Variants in PCDHA8 observed in about 807,000 individuals in gnomAD.
PCDHA8 encodes the protein protocadherin alpha-8.
A neutral mutation model predicts 61.8 loss-of-function variants in PCDHA8; 53 were observed. That is an observed-to-expected ratio of 0.86 (90% CI 0.69 to 1.08). The LOEUF (loss-of-function observed/expected upper bound fraction) is 1.08. Among genes scored for constraint, PCDHA8 ranks in the 50% least tolerant of loss-of-function variants. The probability of loss-of-function intolerance (pLI) is 0.00; values close to 1 mark genes in which losing one functional copy is unlikely to be tolerated. For missense variants in PCDHA8, 1,293 were observed against 1,245.0 expected (o/e 1.04, Z -0.58); for synonymous variants, 618 against 556.6 (o/e 1.11, Z -1.55).
intron 1 of PCDHA8, among the ~76,000 whole-genome samples, chr5:140,933,221 G>A (rs952837794): frequency 2.0e-5 from 3 of 151,758 alleles, no homozygotes; most frequent in Non-Finnish European, 4.4e-5. Flanking sequence ...CTGTTATATT[G>A]CATTTATGAA....
chr5:140,936,820 T>C (rs2091164037), intron 1 of PCDHA8, among the ~76,000 whole-genome samples: 1 of 152,236 alleles, frequency 6.6e-6, no homozygotes, highest in Non-Finnish European at 1.5e-5. Flanking sequence ...TTTTTGGCCC[T>C]TTGCATTTCT....
rs1325743256 is a variant in PCDHA8 at position 140,849,105 on chromosome 5, G to T, written c.2394+5390G>T. 6 of 1,455,392 alleles carry T rather than the reference G, an allele frequency of 4.1e-6. No individual in the cohort carries two copies. The East Asian group carries it at 1.4e-4, about 34-fold the overall frequency. 90.2% of individuals were successfully genotyped at this position (1,455,392 alleles called of 1,614,324 possible). ...ATTACGGAAACTTTTAGACAGAGAA[G>T]AAACTCCGGAGCTTCATTTATTGCT... On this transcript the variant is annotated intron_variant, in intron 1 of 3. Coordinates refer to ENST00000531613, the MANE Select transcript of PCDHA8 (RefSeq NM_018911.3).
chr5:140,902,102 G>T (rs1407664200), intron 1 of PCDHA8, among the ~76,000 whole-genome samples: 1 of 151,098 alleles, frequency 6.6e-6, no homozygotes, highest in Non-Finnish European at 1.5e-5. Flanking sequence ...GGAGTCTTTA[G>T]ATTTTTTTAA....
At chr5:140,860,151 GTGTATATATATA>G (rs1350684051) in intron 1 of PCDHA8, 1 of 149,616 alleles carries the variant, frequency 6.7e-6, no homozygotes, top group African/African-American at 2.5e-5. Context: ...ATGTATATAT[GTGTATATATATA>G]TGTATATATA....
chr5:140,900,276 A>G (rs1228583402), intron 1 of PCDHA8, among the ~76,000 whole-genome samples: 1 of 151,558 alleles, frequency 6.6e-6, no homozygotes, highest in Non-Finnish European at 1.5e-5. Context: ...TATATGTACC[A>G]CACTTTCTTT....
In PCDHA8 at chr5:140,974,947, C is replaced by T. The variant is rs145175873; in HGVS notation, c.2395-4002C>T. On this transcript the variant is annotated intron_variant, in intron 1 of 3. Coordinates refer to ENST00000531613, the MANE Select transcript of PCDHA8 (RefSeq NM_018911.3). ...GTTTAAAACACCACCTATTTGTTAT[C>T]TCACAGTCCTGTACCATGTGGCTGA... is the stretch of plus-strand genomic sequence containing the variant. 2.7e-3 allele frequency among the ~76,000 whole-genome samples: 417 copies of T among 152,322 alleles called. 3 individuals carry two copies. The highest frequency in any genetic ancestry group is 2.1e-3 in the Non-Finnish European group (142 of 68,022).
At chr5:140,926,783 C>T (rs1230665699) in intron 1 of PCDHA8, 2 of 1,410,186 alleles carry the variant, frequency 1.4e-6, no homozygotes, top group Non-Finnish European at 1.8e-6. Flanking sequence ...CAGTGACGGC[C>T]GGCAGGAGCG....
At chr5:140,992,295 A>G (rs2097504334) in intron 3 of PCDHA8, among the ~76,000 whole-genome samples, 1 of 152,134 alleles carries the variant, frequency 6.6e-6, no homozygotes, top group African/African-American at 2.4e-5. Flanking sequence ...AAAGGATGGG[A>G]GTATTGTTTT....
chr5:140,966,166 C>T (rs1159533172), intron 1 of PCDHA8: 1 of 179,138 alleles, frequency 5.6e-6, no homozygotes, highest in Non-Finnish European at 1.2e-5. Flanking sequence ...GAGATCTTTT[C>T]CTGGGGAGCT....
intron 1 of PCDHA8, chr5:140,883,984 C>T: frequency 2.5e-6 from 4 of 1,612,818 alleles, no homozygotes. Context: ...GGGCTGGCAG[C>T]GCGGGAGGCA....
At position 140,843,004 on chromosome 5, in the gene PCDHA8, C is replaced by T. The variant is rs2150349830; in HGVS notation, c.1683C>T (p.Asn561=). ...LQVFVLDEND[N]APALLEPRVG... is the part of the protein sequence containing the mutation. ...TGTTCGTGCTGGACGAGAATGACAA[C>T]GCGCCGGCACTGCTGGAGCCTCGGG... The change falls in exon 1 of 4, where the codon AAC becomes AAT. Residue 561 remains asparagine, a synonymous_variant. Coordinates refer to ENST00000531613, the MANE Select transcript of PCDHA8 (RefSeq NM_018911.3). 21 of 1,595,032 alleles carry T rather than the reference C, an allele frequency of 1.3e-5. No individual in the cohort carries two copies. Among genetic ancestry groups the T allele is most frequent in the Admixed American group, 1.0e-4 (6 of 59,314 alleles).
At position 140,859,135 on chromosome 5, in the gene PCDHA8, A is replaced by G. The variant is rs571097776; in HGVS notation, c.2394+15420A>G. On this transcript the variant is annotated intron_variant, in intron 1 of 3. Coordinates refer to ENST00000531613, the MANE Select transcript of PCDHA8 (RefSeq NM_018911.3). Reference sequence around the variant, plus strand: ...AAATGTATGTTTCTTTTATTTACATAATTTTATCCAGTAGCTCTTCATTAT... The same window carrying G: ...AAATGTATGTTTCTTTTATTTACATGATTTTATCCAGTAGCTCTTCATTAT... The G allele has an allele frequency of 4.0e-5, 6 of 150,216 alleles. No homozygotes were observed. In the East Asian group the frequency reaches 1.2e-3, roughly 29 times the overall value. 9.3% of individuals were successfully genotyped at this position (150,216 alleles called of 1,614,324 possible). A position where few individuals can be genotyped will look rare whatever the true frequency, so the allele number is the denominator to read the frequency against.
intron 1 of PCDHA8, among the ~76,000 whole-genome samples, chr5:140,976,713 T>TA (rs1554237898): frequency 6.6e-6 from 1 of 152,216 alleles, no homozygotes; most frequent in Admixed American, 6.5e-5. Flanking sequence ...CTTTGCATTA[T>TA]AGTTCATTTA....
At chr5:140,868,963 A>G in intron 1 of PCDHA8, 2 of 1,423,054 alleles carry the variant, frequency 1.4e-6, no homozygotes, top group Non-Finnish European at 1.9e-6. Context: ...TCCCATACAA[A>G]GGAACTCCAT....
At chr5:140,942,239 T>A (rs1554214876) in intron 1 of PCDHA8, among the ~76,000 whole-genome samples, 1 of 152,156 alleles carries the variant, frequency 6.6e-6, no homozygotes, top group Admixed American at 6.6e-5. Flanking sequence ...AAATAAGATA[T>A]CCATATCATT....
intron 3 of PCDHA8, among the ~76,000 whole-genome samples, chr5:140,990,073 GA>G (rs1319076601): frequency 2.6e-5 from 4 of 152,060 alleles, no homozygotes; most frequent in Non-Finnish European, 5.9e-5. Context: ...AAATAAGGGG[GA>G]CAAAGGATGC....
intron 1 of PCDHA8, among the ~76,000 whole-genome samples, chr5:140,906,762 G>GAGAC (rs1413130419): frequency 6.6e-6 from 1 of 152,218 alleles, no homozygotes; most frequent in Non-Finnish European, 1.5e-5. Context: ...GTAATACTAA[G>GAGAC]AGACACCCTA....
intron 3 of PCDHA8, 123 bp downstream of exon 3, chr5:140,982,686 C>T: frequency 2.8e-6 from 4 of 1,418,870 alleles, no homozygotes; most frequent in Non-Finnish European, 3.7e-6. Context: ...TCCCTTTTTT[C>T]CATACATACA....
At chr5:141,007,974 A>G (rs2098354254) in intron 3 of PCDHA8, among the ~76,000 whole-genome samples, 1 of 152,220 alleles carries the variant, frequency 6.6e-6, no homozygotes, top group Non-Finnish European at 1.5e-5. Flanking sequence ...GGTGTCTGTC[A>G]TGTATATATG....
Sources: gnomAD v4.1 joint callset for allele counts (sites outside exome capture counted in the v4.1 genomes callset) on GRCh38, gnomAD v4.1.1 for gene constraint, MANE v1.5 for transcripts, NCBI Gene and HGNC (gene_info 2026-07-23, HGNC 2026-07-21) for gene names.